The following GRM7 variants were observed in gnomAD, a reference collection of about 807,000 sequenced individuals.
GRM7 encodes metabotropic glutamate receptor 7.
Under a neutral mutation model 84.5 loss-of-function variants are expected in GRM7, and 35 were observed. The ratio of observed to expected loss-of-function variants is 0.41; its 90% CI spans 0.32 to 0.55. GRM7 has a LOEUF of 0.55. GRM7 is among the 20% of genes least tolerant of loss of function. The pLI is 0.19. For synonymous variants in GRM7, 487 were observed against 455.1 expected, an observed-to-expected ratio of 1.07 and a Z score of -0.89; for missense variants, 1,003 against 1,194.6, an observed-to-expected ratio of 0.84 and a Z score of 2.36.
chr3:7,468,997 G>A (rs905828628), intron 7 of GRM7, among the ~76,000 whole-genome samples: 16 of 152,126 alleles, frequency 1.1e-4, no homozygotes, highest in Admixed American at 3.3e-4. Context: ...TGCTCAAAAC[G>A]TCAATTACTA....
intron 8 of GRM7, among the ~76,000 whole-genome samples, chr3:7,661,567 G>C (rs112443379): frequency 0.02 from 3,032 of 152,100 alleles, 39 homozygotes; most frequent in Middle Eastern, 0.048. Flanking sequence ...CGCCATGGCA[G>C]GCAGATCACG....
At chr3:7,441,030 T>C (rs1697264973) in intron 5 of GRM7, among the ~76,000 whole-genome samples, 1 of 152,192 alleles carries the variant, frequency 6.6e-6, no homozygotes, top group African/African-American at 2.4e-5. Context: ...GATTGTTTGG[T>C]CAAATGGTAA....
intron 2 of GRM7, among the ~76,000 whole-genome samples, chr3:7,195,187 C>T (rs1695839203): frequency 6.6e-6 from 1 of 152,108 alleles, no homozygotes; most frequent in African/African-American, 2.4e-5. Flanking sequence ...GTCTTGCAGG[C>T]ATTGCATAGT....
intron 2 of GRM7, among the ~76,000 whole-genome samples, chr3:7,272,075 A>G (rs2124979585): frequency 6.6e-6 from 1 of 152,218 alleles, no homozygotes; most frequent in South Asian, 2.1e-4. Context: ...GTTAAGATAC[A>G]ATTATATTTT....
At chr3:7,230,850 G>A (rs1205011255) in intron 2 of GRM7, among the ~76,000 whole-genome samples, 3 of 152,192 alleles carry the variant, frequency 2.0e-5, no homozygotes, top group African/African-American at 7.2e-5. Context: ...CTGGGAAGCA[G>A]CTATTGCATA....
At chr3:6,907,080 T>C (rs890771611) in intron 1 of GRM7, among the ~76,000 whole-genome samples, 17 of 152,250 alleles carry the variant, frequency 1.1e-4, no homozygotes, top group African/African-American at 4.1e-4. Flanking sequence ...ATTCTTTTAT[T>C]ATTATTTTAG....
chr3:7,296,099 T>G lies in GRM7; in HGVS notation c.737-2585T>G, dbSNP rs185220306. ...TATTGTTATCATAAATATATATATA[T>G]AGAGAGAGAGAATTTTGTTAAGTAC... On this transcript the variant is annotated intron_variant, in intron 2 of 9. Transcript: ENST00000357716. Among the ~76,000 whole-genome samples, 1,314 of 150,834 alleles carry G rather than the reference T, an allele frequency of 8.7e-3. 13 individuals carry two copies. The highest frequency in any genetic ancestry group is 0.019 in the African/African-American group (781 of 40,924).
intron 1 of GRM7, among the ~76,000 whole-genome samples, chr3:7,119,162 G>T (rs1693137475): frequency 6.6e-6 from 1 of 152,078 alleles, no homozygotes; most frequent in Admixed American, 6.6e-5. Context: ...GATTATTCTG[G>T]CATTCCAATA....
At chr3:7,657,188 T>C (rs1023763636) in intron 8 of GRM7, among the ~76,000 whole-genome samples, 3 of 152,220 alleles carry the variant, frequency 2.0e-5, no homozygotes, top group African/African-American at 7.2e-5. Context: ...GTGGTGGTGT[T>C]ATTCTAGAGT....
intron 8 of GRM7, among the ~76,000 whole-genome samples, chr3:7,596,438 T>C (rs969367006): frequency 2.6e-5 from 4 of 152,184 alleles, no homozygotes; most frequent in African/African-American, 7.2e-5. Context: ...GATGAGATCA[T>C]GTAGGCATAA....
intron 1 of GRM7, among the ~76,000 whole-genome samples, chr3:6,986,132 T>G (rs1694400870): frequency 6.6e-6 from 1 of 152,196 alleles, no homozygotes; most frequent in Non-Finnish European, 1.5e-5. Context: ...GTAGCTATTC[T>G]TAGTAACACG....
At chr3:7,223,772 T>C (rs1696888312) in intron 2 of GRM7, among the ~76,000 whole-genome samples, 1 of 152,144 alleles carries the variant, frequency 6.6e-6, no homozygotes, top group African/African-American at 2.4e-5. Flanking sequence ...ATAATAGAAA[T>C]AGGTATGGGC....
At position 6,954,905 on chromosome 3, in the gene GRM7, T is replaced by G. The variant is rs184838863; in HGVS notation, c.519+92998T>G. 3.0e-3 allele frequency among the ~76,000 whole-genome samples: 455 copies of G among 152,316 alleles called. 5 individuals carry two copies. The highest frequency in any genetic ancestry group is 3.7e-3 in the Non-Finnish European group (253 of 68,024). ...TGAGATTGGAGGGAGATGACTCAAA[T>G]TTATGTCTAGGTTTTGTTGCTTTTA... On this transcript the variant is annotated intron_variant, in intron 1 of 9. Transcript: ENST00000357716.
intron 1 of GRM7, among the ~76,000 whole-genome samples, chr3:6,869,283 C>G (rs1695035861): frequency 6.6e-6 from 1 of 152,108 alleles, no homozygotes. Flanking sequence ...CACCAATTTT[C>G]TTATCTTTGG....
chr3:7,038,557 T>C (rs1039926177), intron 1 of GRM7, among the ~76,000 whole-genome samples: 7 of 152,156 alleles, frequency 4.6e-5, no homozygotes, highest in Non-Finnish European at 8.8e-5. Flanking sequence ...AAATACTCAC[T>C]GGGTAACAAG....
At chr3:7,130,033 T>C (rs1693538846) in intron 1 of GRM7, among the ~76,000 whole-genome samples, 1 of 152,174 alleles carries the variant, frequency 6.6e-6, no homozygotes, top group African/African-American at 2.4e-5. Flanking sequence ...ATTAACTCTA[T>C]GGCCATGTGG....
intron 1 of GRM7, among the ~76,000 whole-genome samples, chr3:7,011,507 A>G (rs967624580): frequency 1.3e-5 from 2 of 152,166 alleles, no homozygotes; most frequent in African/African-American, 4.8e-5. Context: ...TGTGGTGGCC[A>G]TTTTTATTCT....
intron 8 of GRM7, among the ~76,000 whole-genome samples, chr3:7,606,429 T>C (rs1696574460): frequency 1.3e-5 from 2 of 152,154 alleles, no homozygotes; most frequent in African/African-American, 4.8e-5. Context: ...AGGTGGGTGA[T>C]TTGGACTGTT....
At chr3:7,271,893 C>G (rs545373534) in intron 2 of GRM7, among the ~76,000 whole-genome samples, 1 of 152,240 alleles carries the variant, frequency 6.6e-6, no homozygotes, top group South Asian at 2.1e-4. Flanking sequence ...GCTTAGTGTG[C>G]CCTTTCTCTA....
Sources: gnomAD v4.1 joint callset for allele counts (sites outside exome capture counted in the v4.1 genomes callset) on GRCh38, gnomAD v4.1.1 for gene constraint, MANE v1.5 for transcripts, NCBI Gene and HGNC (gene_info 2026-07-23, HGNC 2026-07-21) for gene names.